The following LARGE1 variants were observed in gnomAD, a reference collection of about 807,000 sequenced individuals.
LARGE1 encodes the protein xylosyl- and glucuronyltransferase LARGE1.
Under a neutral mutation model 87.6 loss-of-function variants are expected in LARGE1, and 43 were observed. The ratio of observed to expected loss-of-function variants is 0.49; its 90% CI spans 0.38 to 0.63. The LOEUF (loss-of-function observed/expected upper bound fraction) is 0.63. LARGE1 is among the 30% of genes least tolerant of loss of function. LARGE1 has a pLI of 0.00. For synonymous variants in LARGE1, 434 were observed against 394.6 expected, an observed-to-expected ratio of 1.10 and a Z score of -1.18; for missense variants, 802 against 1,000.2, an observed-to-expected ratio of 0.80 and a Z score of 2.67.
intron 1 of LARGE1, among the ~76,000 whole-genome samples, chr22:33,849,592 CT>C (rs71187287): frequency 0.03 from 2,682 of 88,556 alleles, 6 homozygotes; most frequent in Middle Eastern, 0.041. Flanking sequence ...CTTTTCTTCT[CT>C]TTTTTTTTTT....
chr22:33,489,238 G>A (rs1047846846), intron 6 of LARGE1, among the ~76,000 whole-genome samples: 18 of 152,232 alleles, frequency 1.2e-4, no homozygotes, highest in African/African-American at 3.4e-4. Context: ...TAGGTGCTAC[G>A]AAGATCACAA....
chr22:33,463,920 C>T lies in LARGE1; in HGVS notation c.788-31655G>A, dbSNP rs142012276. Among the ~76,000 whole-genome samples the T allele has an allele frequency of 5.1e-3, 773 of 152,214 alleles. 8 individuals carry two copies. The highest frequency in any genetic ancestry group is 0.017 in the African/African-American group (710 of 41,520). On this transcript the variant is annotated intron_variant, in intron 6 of 14. Coordinates refer to ENST00000397394, the MANE Select transcript of LARGE1 (RefSeq NM_133642.5). ...AACTCCTGACCTCAGGTGATCTGCCCGCCTTGGCCCCCCAAAGTGCTGGGA... is the reference window on the plus strand; with the variant it reads ...AACTCCTGACCTCAGGTGATCTGCCTGCCTTGGCCCCCCAAAGTGCTGGGA...
intron 11 of LARGE1, among the ~76,000 whole-genome samples, chr22:33,260,915 A>T (rs1927591114): frequency 6.6e-6 from 1 of 152,168 alleles, no homozygotes; most frequent in South Asian, 2.1e-4. Flanking sequence ...TGGCTCATTG[A>T]AGAGTGCTCC....
chr22:33,283,287 C>T lies in LARGE1; in HGVS notation c.1792G>A (p.Glu598Lys), dbSNP rs144045461. Reference protein sequence around the residue: ...TKKAMIVPAFETLRYRLSFPK... With the variant: ...TKKAMIVPAFKTLRYRLSFPK... ...AAGGACAGCCGGTAGCGCAGTGTCT[C>T]GAACGCGGGGACAATCATTGCTTTC... The change falls in exon 13 of 15, where the codon GAG (glutamate) becomes AAG (lysine). Residue 598 changes from glutamate (E) to lysine (K), a missense_variant. Transcript: ENST00000397394. The T allele has an allele frequency of 1.2e-5, 19 of 1,614,102 alleles. No individual in the cohort carries two copies. The highest frequency in any genetic ancestry group is 4.5e-5 in the East Asian group (2 of 44,876).
At chr22:33,268,801 GACATATTATAGTAC>G, downstream of LARGE1, among the ~76,000 whole-genome samples, 1 of 152,260 alleles carries the variant, frequency 6.6e-6, no homozygotes, top group East Asian at 1.9e-4. Flanking sequence ...CTAAGTTAGT[GACATATTATAGTAC>G]ACATTGCCTT....
intron 11 of LARGE1, among the ~76,000 whole-genome samples, chr22:33,254,557 C>A (rs1222743242): frequency 6.6e-6 from 1 of 152,178 alleles, no homozygotes; most frequent in Non-Finnish European, 1.5e-5. Context: ...GCTATAGACT[C>A]CAGAGCCAGA....
chr22:33,227,290 A>G (rs1490506410), intron 11 of LARGE1, among the ~76,000 whole-genome samples: 1 of 152,194 alleles, frequency 6.6e-6, no homozygotes, highest in African/African-American at 2.4e-5. Flanking sequence ...GCTCCTGACT[A>G]CTAGACCATG....
chr22:33,488,754 C>T lies in LARGE1; in HGVS notation c.788-56489G>A, dbSNP rs529674122. Among the ~76,000 whole-genome samples the T allele has an allele frequency of 1.8e-4, 27 of 152,206 alleles. 1 individual carries two copies. In the South Asian group the frequency reaches 4.6e-3, roughly 26 times the overall value. ...AAGAGTTTCCCAAAAATAAATCATG[C>T]GCTAATCATCATAATCTGGGGAAAC... On this transcript the variant is annotated intron_variant, in intron 6 of 14. Coordinates refer to ENST00000397394, the MANE Select transcript of LARGE1 (RefSeq NM_133642.5).
chr22:33,066,764 T>C, the LARGE1 span, among the ~76,000 whole-genome samples: 1 of 152,210 alleles, frequency 6.6e-6, no homozygotes, highest in South Asian at 2.1e-4. Context: ...CAGAGGCAAG[T>C]AGCAACAGAA....
At chr22:33,351,937 C>T (rs571104322) in intron 9 of LARGE1, among the ~76,000 whole-genome samples, 1 of 152,178 alleles carries the variant, frequency 6.6e-6, no homozygotes, top group African/African-American at 2.4e-5. Context: ...TGGGGCTTCA[C>T]CATGTTGGCC....
rs374604870 is a variant in LARGE1, at chr22:33,905,120, C to T, written c.-83+14875G>A. Among the ~76,000 whole-genome samples, 37 of 136,774 alleles carry T rather than the reference C, an allele frequency of 2.7e-4. No individual in the cohort carries two copies. In the East Asian group the frequency reaches 4.5e-3, roughly 17 times the overall value. 89.7% of individuals were successfully genotyped at this position (136,774 alleles called of 152,430 possible). A position where few individuals can be genotyped will look rare whatever the true frequency, so the allele number is the denominator to read the frequency against. ...TTGCTCTGTCACCCAGACTGGAGTGCAATGGCGTGACCAGGGCTCACTGTA... is the reference window on the plus strand; with the variant it reads ...TTGCTCTGTCACCCAGACTGGAGTGTAATGGCGTGACCAGGGCTCACTGTA... On this transcript the variant is annotated intron_variant, in intron 1 of 14. Coordinates refer to ENST00000397394, the MANE Select transcript of LARGE1 (RefSeq NM_133642.5).
intron 8 of LARGE1, among the ~76,000 whole-genome samples, chr22:33,382,436 G>C (rs1047068321): frequency 6.6e-6 from 1 of 152,138 alleles, no homozygotes; most frequent in African/African-American, 2.4e-5. Context: ...AGAGGAAACT[G>C]CATGATGACA....
At chr22:33,266,849 C>G (rs1005468606) in intron 11 of LARGE1, among the ~76,000 whole-genome samples, 1 of 150,296 alleles carries the variant, frequency 6.7e-6, no homozygotes, top group African/African-American at 2.5e-5. Context: ...CTGTAGAGAA[C>G]AGTCTTGGAG....
At chr22:33,549,090 G>A (rs900951715) in intron 6 of LARGE1, among the ~76,000 whole-genome samples, 1 of 152,136 alleles carries the variant, frequency 6.6e-6, no homozygotes, top group Non-Finnish European at 1.5e-5. Flanking sequence ...GGTTGACAGT[G>A]TTCCTTTAAA....
At chr22:33,784,231 G>A (rs1476565830) in intron 1 of LARGE1, among the ~76,000 whole-genome samples, 24 of 152,072 alleles carry the variant, frequency 1.6e-4, no homozygotes, top group Admixed American at 1.6e-3. Context: ...ATCATATACT[G>A]AGCAGTATCT....
chr22:33,649,094 C>A (rs759144054), intron 3 of LARGE1, among the ~76,000 whole-genome samples: 5 of 152,172 alleles, frequency 3.3e-5, no homozygotes, highest in African/African-American at 7.2e-5. Flanking sequence ...ATGACACATT[C>A]CTCGTTGGAC....
At chr22:33,505,193 T>C (rs534288053) in intron 6 of LARGE1, among the ~76,000 whole-genome samples, 1 of 152,356 alleles carries the variant, frequency 6.6e-6, no homozygotes, top group African/African-American at 2.4e-5. Context: ...TGTCCCACAG[T>C]GAGCAGAGGA....
chr22:33,253,959 T>C (rs770565986), intron 11 of LARGE1, among the ~76,000 whole-genome samples: 3 of 151,680 alleles, frequency 2.0e-5, no homozygotes, highest in Non-Finnish European at 4.4e-5. Flanking sequence ...TTGCCACCTA[T>C]GTAAAAGACT....
chr22:33,782,466 T>C (rs1279501459), intron 1 of LARGE1, among the ~76,000 whole-genome samples: 7 of 152,178 alleles, frequency 4.6e-5, no homozygotes, highest in Non-Finnish European at 1.0e-4. Flanking sequence ...ATTATATGAA[T>C]TGTACATTTT....
Sources: gnomAD v4.1 joint callset for allele counts (sites outside exome capture counted in the v4.1 genomes callset) on GRCh38, gnomAD v4.1.1 for gene constraint, MANE v1.5 for transcripts, NCBI Gene and HGNC (gene_info 2026-07-23, HGNC 2026-07-21) for gene names.